WDFY3: variants seen among roughly 807,000 people sequenced by gnomAD.
WDFY3 encodes WD repeat and FYVE domain containing 3.
A neutral mutation model predicts 409.6 loss-of-function variants in WDFY3; 66 were observed. The observed-to-expected ratio is 0.16, with a 90% CI of 0.13 to 0.20. WDFY3 has a LOEUF of 0.20. WDFY3 is among the 10% of genes least tolerant of loss of function. The probability of loss-of-function intolerance (pLI) is 1.00; values close to 1 mark genes in which losing one functional copy is unlikely to be tolerated. For synonymous variants in WDFY3, 1,521 were observed against 1,537.1 expected (o/e 0.99, Z 0.25); for missense variants, 3,031 against 4,298.1 (o/e 0.71, Z 8.24).
At chr4:84,717,433 A>G (rs1465267683) in intron 48 of WDFY3, among the ~76,000 whole-genome samples, 1 of 152,238 alleles carries the variant, frequency 6.6e-6, no homozygotes, top group East Asian at 1.9e-4. Context: ...GTATGGAAAA[A>G]GGACCCACGA....
chr4:84,959,206 G>A (rs974149670), intron 1 of WDFY3, among the ~76,000 whole-genome samples: 5 of 151,994 alleles, frequency 3.3e-5, no homozygotes, highest in Non-Finnish European at 5.9e-5. Context: ...GGAGAAGCTG[G>A]AGCCAGGTTA....
chr4:84,838,470 C>G (rs1185198881), intron 6 of WDFY3, among the ~76,000 whole-genome samples: 1 of 152,094 alleles, frequency 6.6e-6, no homozygotes, highest in African/African-American at 2.4e-5. Context: ...AGTAAAAGAG[C>G]TAGATTTCAG....
intron 40 of WDFY3, among the ~76,000 whole-genome samples, chr4:84,738,414 C>A (rs964735998): frequency 5.3e-5 from 8 of 151,740 alleles, no homozygotes; most frequent in African/African-American, 1.9e-4. Flanking sequence ...CTGGCCAACA[C>A]GGTGAAATCC....
chr4:84,934,757 G>T (rs1018505458), intron 1 of WDFY3, among the ~76,000 whole-genome samples: 1 of 152,016 alleles, frequency 6.6e-6, no homozygotes, highest in African/African-American at 2.4e-5. Context: ...GAACCTAAGG[G>T]TAAGTTATTG....
intron 38 of WDFY3, 40 bp downstream of exon 38, chr4:84,741,721 G>A: frequency 1.3e-6 from 2 of 1,511,562 alleles, no homozygotes; most frequent in South Asian, 2.6e-5. Context: ...GGCAAAACAG[G>A]AAAACATGTA....
chr4:84,962,320 C>A (rs1775015864), intron 1 of WDFY3, among the ~76,000 whole-genome samples: 1 of 152,048 alleles, frequency 6.6e-6, no homozygotes, highest in South Asian at 2.1e-4. Flanking sequence ...CCCAGCACAT[C>A]ACTGAACAAA....
chr4:84,951,557 ATATATC>A (rs1413600167), intron 1 of WDFY3, among the ~76,000 whole-genome samples: 1 of 152,254 alleles, frequency 6.6e-6, no homozygotes, highest in African/African-American at 2.4e-5. Flanking sequence ...GAAGTATGAT[ATATATC>A]TATATCTCAA....
At chr4:84,784,210 C>CA (rs1158634053) in intron 24 of WDFY3, among the ~76,000 whole-genome samples, 2 of 152,166 alleles carry the variant, frequency 1.3e-5, no homozygotes, top group Admixed American at 6.5e-5. Flanking sequence ...TCCCAGGTTT[C>CA]AGTCTTTAAA....
intron 2 of WDFY3, among the ~76,000 whole-genome samples, chr4:84,918,594 C>T (rs1039503147): frequency 4.6e-5 from 7 of 151,550 alleles, no homozygotes; most frequent in African/African-American, 1.5e-4. Flanking sequence ...TAGTGATATA[C>T]GTGAAACAAT....
intron 1 of WDFY3, among the ~76,000 whole-genome samples, chr4:84,943,328 C>T (rs1374679565): frequency 6.6e-6 from 1 of 151,862 alleles, no homozygotes; most frequent in Non-Finnish European, 1.5e-5. Context: ...CCAGTGAAAC[C>T]CCATCTCTAC....
intron 36 of WDFY3, among the ~76,000 whole-genome samples, chr4:84,749,314 AT>A (rs201663682): frequency 5.7e-4 from 86 of 152,130 alleles, no homozygotes; most frequent in East Asian, 2.7e-3. Flanking sequence ...CATTAATATA[AT>A]TTTTTTTGTA....
chr4:84,830,631 A>C (rs1755573568), intron 8 of WDFY3, among the ~76,000 whole-genome samples: 1 of 152,200 alleles, frequency 6.6e-6, no homozygotes, highest in African/African-American at 2.4e-5. Flanking sequence ...CAGACATTTT[A>C]AAAGATAGCT....
intron 15 of WDFY3, 54 bp downstream of exon 15, chr4:84,808,280 G>GA (rs1751863482): frequency 2.8e-6 from 4 of 1,408,744 alleles, no homozygotes; most frequent in Admixed American, 2.0e-5. Context: ...AATAAGCACA[G>GA]AAAAAAAGGA....
At chr4:84,841,099 G>A in intron 6 of WDFY3, 55 bp downstream of exon 6, 1 of 1,324,516 alleles carries the variant, frequency 7.5e-7, no homozygotes, top group Non-Finnish European at 1.1e-6. Flanking sequence ...AAAATCACAA[G>A]AGAGGCTATA....
chr4:84,742,895 T>C (rs180896636), intron 37 of WDFY3, among the ~76,000 whole-genome samples: 12 of 152,324 alleles, frequency 7.9e-5, no homozygotes, highest in Non-Finnish European at 4.4e-5. Flanking sequence ...AATTTGATTT[T>C]TATTATTCTC....
chr4:84,893,831 A>G (rs1442555355), intron 3 of WDFY3, among the ~76,000 whole-genome samples: 3 of 152,188 alleles, frequency 2.0e-5, no homozygotes, highest in African/African-American at 7.2e-5. Context: ...CTAATAATAC[A>G]AGAAAAAAAT....
intron 51 of WDFY3, 123 bp from the exon 52 acceptor site, chr4:84,709,470 TG>T (rs1732528411): frequency 2.8e-6 from 2 of 726,396 alleles, no homozygotes; most frequent in Non-Finnish European, 4.5e-6. Flanking sequence ...GATCTATTAG[TG>T]GGTCATAAAA....
chr4:84,738,730 T>C (rs1286450512), intron 40 of WDFY3, among the ~76,000 whole-genome samples: 1 of 152,228 alleles, frequency 6.6e-6, no homozygotes, highest in Non-Finnish European at 1.5e-5. Flanking sequence ...GTTCTCTTTA[T>C]AGTTAATTCC....
At chr4:84,674,678 G>A (rs1248897004) in intron 67 of WDFY3, among the ~76,000 whole-genome samples, 1 of 151,734 alleles carries the variant, frequency 6.6e-6, no homozygotes, top group Non-Finnish European at 1.5e-5. Context: ...GACGAGCCTG[G>A]CCAATATGGT....
Sources: gnomAD v4.1 joint callset for allele counts (sites outside exome capture counted in the v4.1 genomes callset) on GRCh38, gnomAD v4.1.1 for gene constraint, MANE v1.5 for transcripts, NCBI Gene and HGNC (gene_info 2026-07-23, HGNC 2026-07-21) for gene names.